PRR16: variants seen among roughly 807,000 people sequenced by gnomAD.
The protein encoded by PRR16 is proline rich 16.
A neutral mutation model predicts 18.2 loss-of-function variants in PRR16; 6 were observed. That is an observed-to-expected ratio of 0.33 (90% CI 0.18 to 0.65). PRR16 has a LOEUF of 0.65. Ranked by LOEUF, PRR16 falls within the 30% of genes least tolerant of loss-of-function variation. PRR16 has a pLI of 0.74. For missense variants in PRR16, 412 were observed against 376.6 expected (o/e 1.09, Z -0.78); for synonymous variants, 151 against 147.8 (o/e 1.02, Z -0.16).
the PRR16 span, among the ~76,000 whole-genome samples, chr5:120,743,105 G>C: frequency 1.3e-5 from 2 of 152,016 alleles, no homozygotes; most frequent in African/African-American, 4.8e-5. Flanking sequence ...TAGGTTCCCA[G>C]GATTAGAAAC....
intron 1 of PRR16, among the ~76,000 whole-genome samples, chr5:120,551,643 T>G (rs1182346141): frequency 6.6e-6 from 1 of 152,022 alleles, no homozygotes; most frequent in Non-Finnish European, 1.5e-5. Flanking sequence ...GAACTACCAA[T>G]GATTGTTTTG....
intron 1 of PRR16, among the ~76,000 whole-genome samples, chr5:120,630,863 C>T (rs1755028826): frequency 6.6e-6 from 1 of 152,114 alleles, no homozygotes; most frequent in African/African-American, 2.4e-5. Flanking sequence ...AGTCCCTTTC[C>T]TTTTTAAGTA....
At chr5:120,674,629 C>T (rs1026543414) in intron 1 of PRR16, among the ~76,000 whole-genome samples, 1 of 151,992 alleles carries the variant, frequency 6.6e-6, no homozygotes, top group Non-Finnish European at 1.5e-5. Context: ...CTCATCAGCA[C>T]TCAGTTGGCC....
intron 1 of PRR16, among the ~76,000 whole-genome samples, chr5:120,630,290 T>C (rs62376457): frequency 0.26 from 39,737 of 152,078 alleles, 6,252 homozygotes; most frequent in Middle Eastern, 0.41. Context: ...ACTTCACAGA[T>C]TGTCTTTTTT....
At chr5:120,754,375 A>G in the PRR16 span, among the ~76,000 whole-genome samples, 396 of 52,638 alleles carry the variant, frequency 7.5e-3, 14 homozygotes, top group Middle Eastern at 0.036. Context: ...TATATAATAT[A>G]TAACATATAT....
intron 1 of PRR16, among the ~76,000 whole-genome samples, chr5:120,544,502 A>G (rs1752013936): frequency 6.6e-6 from 1 of 152,136 alleles, no homozygotes; most frequent in African/African-American, 2.4e-5. Flanking sequence ...ACACACATGT[A>G]TGTGTATGCA....
At chr5:120,499,903 C>T (rs376155051) in intron 1 of PRR16, among the ~76,000 whole-genome samples, 12 of 151,986 alleles carry the variant, frequency 7.9e-5, no homozygotes, top group Non-Finnish European at 1.6e-4. Flanking sequence ...CTCCCAGGAA[C>T]GTATAGAAGC....
At chr5:120,706,014 CAT>C in the PRR16 span, among the ~76,000 whole-genome samples, 1 of 152,154 alleles carries the variant, frequency 6.6e-6, no homozygotes, top group African/African-American at 2.4e-5. Context: ...CTTTAACAGT[CAT>C]ATAACAAAGT....
intron 1 of PRR16, among the ~76,000 whole-genome samples, chr5:120,550,919 AC>A (rs1162623021): frequency 3.9e-5 from 6 of 152,000 alleles, no homozygotes; most frequent in African/African-American, 1.4e-4. Flanking sequence ...AGTATACCTG[AC>A]AAAAAATTGT....
At chr5:120,469,502 T>TAAAA in intron 1 of PRR16, among the ~76,000 whole-genome samples, 1 of 152,056 alleles carries the variant, frequency 6.6e-6, no homozygotes, top group African/African-American at 2.4e-5. Context: ...TTTAATTTTT[T>TAAAA]TTTTTTTGAT....
chr5:120,665,301 G>C (rs188956381), intron 1 of PRR16, among the ~76,000 whole-genome samples: 8,761 of 151,642 alleles, frequency 0.058, 304 homozygotes, highest in South Asian at 0.083. Context: ...TTTTGATGGG[G>C]TTGTTTGTTT....
At chr5:120,668,403 T>C (rs528533302) in intron 1 of PRR16, among the ~76,000 whole-genome samples, 1 of 149,836 alleles carries the variant, frequency 6.7e-6, no homozygotes, top group South Asian at 2.2e-4. Context: ...CTTGACTCTT[T>C]ATCCAATTTG....
chr5:120,492,634 T>C (rs934924340), intron 1 of PRR16, among the ~76,000 whole-genome samples: 1 of 152,156 alleles, frequency 6.6e-6, no homozygotes, highest in Non-Finnish European at 1.5e-5. Flanking sequence ...AGTTGTTTCA[T>C]AGTGAATTCT....
the PRR16 span, among the ~76,000 whole-genome samples, chr5:120,708,353 A>C: frequency 6.6e-6 from 1 of 152,184 alleles, no homozygotes; most frequent in Non-Finnish European, 1.5e-5. Context: ...TGTTCTAGTT[A>C]TGGCTAGCAG....
chr5:120,635,817 G>C (rs1006786114), intron 1 of PRR16, among the ~76,000 whole-genome samples: 2 of 152,080 alleles, frequency 1.3e-5, no homozygotes, highest in African/African-American at 4.8e-5. Flanking sequence ...TCGGTAAAGA[G>C]GAAGTCAAAC....
Position 120,557,847 on chromosome 5 carries a change from T to A in PRR16, c.159+93202T>A, listed in dbSNP as rs549722467. ...AATGTAGATACTTCTGAAAAATCAT[T>A]TTGGAACTCATGCTACTTGGAACCT... On this transcript the variant is annotated intron_variant, in intron 1 of 1. Coordinates refer to ENST00000407149, the MANE Select transcript of PRR16 (RefSeq NM_001300783.2). Among the ~76,000 whole-genome samples the A allele has an allele frequency of 9.2e-5, 14 of 151,998 alleles. No individual in the cohort carries two copies. In the South Asian group the frequency reaches 2.9e-3, roughly 31 times the overall value.
At chr5:120,702,516 G>T in the PRR16 span, among the ~76,000 whole-genome samples, 3 of 152,142 alleles carry the variant, frequency 2.0e-5, no homozygotes, top group African/African-American at 7.2e-5. Context: ...AGCGGGACTT[G>T]CTGTTAAGGG....
At chr5:120,609,049 A>G (rs1024156164) in intron 1 of PRR16, among the ~76,000 whole-genome samples, 1 of 152,130 alleles carries the variant, frequency 6.6e-6, no homozygotes, top group Non-Finnish European at 1.5e-5. Context: ...CACATCTTCT[A>G]AAAACATTTT....
intron 1 of PRR16, among the ~76,000 whole-genome samples, chr5:120,643,074 C>G (rs192927115): frequency 6.6e-6 from 1 of 151,744 alleles, no homozygotes; most frequent in Admixed American, 6.6e-5. Flanking sequence ...TAAATATACT[C>G]GCAAAATATT....
Sources: gnomAD v4.1 joint callset for allele counts (sites outside exome capture counted in the v4.1 genomes callset) on GRCh38, gnomAD v4.1.1 for gene constraint, MANE v1.5 for transcripts, NCBI Gene and HGNC (gene_info 2026-07-23, HGNC 2026-07-21) for gene names.